SORCS3: variants seen among roughly 807,000 people sequenced by gnomAD.
SORCS3 encodes the protein sortilin related VPS10 domain containing receptor 3.
A neutral mutation model predicts 146.3 loss-of-function variants in SORCS3; 57 were observed. The ratio of observed to expected loss-of-function variants is 0.39; its 90% CI spans 0.31 to 0.49. The LOEUF is 0.49. SORCS3 is among the 20% of genes least tolerant of loss of function. The probability of loss-of-function intolerance (pLI) is 0.92; values close to 1 mark genes in which losing one functional copy is unlikely to be tolerated. For synonymous variants in SORCS3, 653 were observed against 618.5 expected (o/e 1.06, Z -0.83); for missense variants, 1,341 against 1,575.5 (o/e 0.85, Z 2.52).
intron 1 of SORCS3, among the ~76,000 whole-genome samples, chr10:104,799,527 C>T (rs1231188609): frequency 1.3e-5 from 2 of 151,774 alleles, no homozygotes; most frequent in Non-Finnish European, 2.9e-5. Context: ...GGGAACATCA[C>T]ACACCAGGGC....
chr10:105,126,799 G>C (rs1343652226), intron 7 of SORCS3, among the ~76,000 whole-genome samples: 1 of 152,164 alleles, frequency 6.6e-6, no homozygotes, highest in African/African-American at 2.4e-5. Context: ...GGATTTTATT[G>C]TAATTGTAGA....
At chr10:105,160,345 G>A (rs1181068053) in intron 11 of SORCS3, among the ~76,000 whole-genome samples, 4 of 152,168 alleles carry the variant, frequency 2.6e-5, no homozygotes, top group East Asian at 3.8e-4. Context: ...TTAGAACAAT[G>A]GCCAGGCGCA....
At chr10:105,180,267 G>A (rs894456930) in intron 14 of SORCS3, among the ~76,000 whole-genome samples, 2 of 152,194 alleles carry the variant, frequency 1.3e-5, no homozygotes, top group Non-Finnish European at 2.9e-5. Context: ...AACTGAGTTG[G>A]TCTGGAAGTT....
intron 5 of SORCS3, among the ~76,000 whole-genome samples, chr10:105,045,147 G>A (rs1173608622): frequency 2.0e-5 from 3 of 152,126 alleles, no homozygotes; most frequent in Non-Finnish European, 2.9e-5. Context: ...AGTAGAGGAG[G>A]AAAGCACACT....
rs866816341 is a variant in SORCS3 at position 104,839,304 on chromosome 10, A to C, written c.628-3488A>C. Among the ~76,000 whole-genome samples, 12 of 152,178 alleles carry C rather than the reference A, an allele frequency of 7.9e-5. No individual in the cohort carries two copies. In the South Asian group the frequency reaches 2.5e-3, roughly 32 times the overall value. On this transcript the variant is annotated intron_variant, in intron 1 of 26. Transcript: ENST00000369701. The stretch of plus-strand genomic sequence containing the variant: ...GCAAAATAGGACTTCACAGGAGAGA[A>C]CATTTTTGATGTCTGGGATAATCCT...
At chr10:104,975,125 T>A (rs1364652883) in intron 3 of SORCS3, among the ~76,000 whole-genome samples, 1 of 152,138 alleles carries the variant, frequency 6.6e-6, no homozygotes, top group African/African-American at 2.4e-5. Context: ...AAATTGTCCT[T>A]GTTTGCAGAT....
At chr10:104,942,148 C>T (rs528288854) in intron 3 of SORCS3, among the ~76,000 whole-genome samples, 1 of 152,116 alleles carries the variant, frequency 6.6e-6, no homozygotes, top group Non-Finnish European at 1.5e-5. Context: ...GGCCAGTGCT[C>T]TGGAAGGAGA....
At chr10:104,716,519 C>T (rs1022880901) in intron 1 of SORCS3, among the ~76,000 whole-genome samples, 34 of 144,984 alleles carry the variant, frequency 2.3e-4, no homozygotes, top group Middle Eastern at 3.4e-3. Flanking sequence ...CCATGGGGGT[C>T]GGGGAGGGGG....
At chr10:105,262,300 C>A (rs2056965380) in intron 25 of SORCS3, 31 bp from the exon 26 acceptor site, 1 of 1,604,582 alleles carries the variant, frequency 6.2e-7, no homozygotes, top group Non-Finnish European at 8.5e-7. Context: ...ACCCTGTGAT[C>A]TTAACCTGAT....
intron 13 of SORCS3, among the ~76,000 whole-genome samples, chr10:105,176,224 C>T (rs906887755): frequency 1.3e-5 from 2 of 151,920 alleles, no homozygotes; most frequent in African/African-American, 4.8e-5. Context: ...GAAGAATTAA[C>T]GGTATGGTGT....
intron 2 of SORCS3, among the ~76,000 whole-genome samples, chr10:104,914,034 G>T (rs2018997892): frequency 6.6e-6 from 1 of 152,022 alleles, no homozygotes; most frequent in Admixed American, 6.5e-5. Context: ...CTCCCAAAGT[G>T]CTGGGATTAC....
At chr10:105,130,897 G>C (rs778556874) in intron 7 of SORCS3, among the ~76,000 whole-genome samples, 1 of 152,116 alleles carries the variant, frequency 6.6e-6, no homozygotes, top group Non-Finnish European at 1.5e-5. Flanking sequence ...ATGCCATGTT[G>C]TTCCAAATGC....
chr10:104,838,023 C>T (rs988221988), intron 1 of SORCS3, among the ~76,000 whole-genome samples: 9 of 151,968 alleles, frequency 5.9e-5, no homozygotes, highest in East Asian at 3.9e-4. Flanking sequence ...GTAAAATGGG[C>T]GATATTATAT....
chr10:104,953,713 C>G (rs1018716086), intron 3 of SORCS3, among the ~76,000 whole-genome samples: 1 of 152,148 alleles, frequency 6.6e-6, no homozygotes, highest in Admixed American at 6.5e-5. Flanking sequence ...ATAGTTTTCC[C>G]AGAGTTGGTT....
intron 22 of SORCS3, among the ~76,000 whole-genome samples, chr10:105,250,659 G>A (rs1282078063): frequency 6.6e-6 from 1 of 152,116 alleles, no homozygotes; most frequent in Non-Finnish European, 1.5e-5. Context: ...TTTGCCCCTA[G>A]TCTGGCCTCC....
chr10:104,740,956 TTTATTA>T (rs913073056), intron 1 of SORCS3, among the ~76,000 whole-genome samples: 1 of 151,338 alleles, frequency 6.6e-6, no homozygotes, highest in South Asian at 2.1e-4. Flanking sequence ...TCCTCTCCCT[TTTATTA>T]TTATTATTAT....
chr10:104,947,844 A>T (rs914476544), intron 3 of SORCS3, among the ~76,000 whole-genome samples: 1 of 151,832 alleles, frequency 6.6e-6, no homozygotes, highest in South Asian at 2.1e-4. Context: ...ACTGGTCTTG[A>T]CCTCAAGTGA....
chr10:104,779,015 C>T (rs2017343422), intron 1 of SORCS3, among the ~76,000 whole-genome samples: 1 of 152,090 alleles, frequency 6.6e-6, no homozygotes, highest in Middle Eastern at 3.2e-3. Context: ...CAGGGTTCTT[C>T]ATAAGGGGAG....
intron 3 of SORCS3, among the ~76,000 whole-genome samples, chr10:104,939,927 G>A (rs138249000): frequency 3.3e-4 from 50 of 151,856 alleles, no homozygotes; most frequent in African/African-American, 1.2e-3. Flanking sequence ...CTTTGTTACC[G>A]GAAAGGGGTC....
Sources: allele counts gnomAD v4.1 joint callset (sites outside exome capture counted in the v4.1 genomes callset), GRCh38; gene constraint gnomAD v4.1.1; transcripts MANE v1.5; gene names NCBI Gene and HGNC (gene_info 2026-07-23, HGNC 2026-07-21).